PLCG2: variants seen among roughly 807,000 people sequenced by gnomAD.
PLCG2 encodes 1-phosphatidylinositol 4,5-bisphosphate phosphodiesterase gamma-2.
Under a neutral mutation model 175.6 loss-of-function variants are expected in PLCG2, and 69 were observed. The ratio of observed to expected loss-of-function variants is 0.39; its 90% CI spans 0.32 to 0.48. The LOEUF (loss-of-function observed/expected upper bound fraction) is 0.48. Among genes scored for constraint, PLCG2 ranks in the 20% least tolerant of loss-of-function variants. The pLI, the probability that PLCG2 is intolerant of heterozygous loss-of-function variation, is 0.91. For synonymous variants in PLCG2, 827 were observed against 624.0 expected (o/e 1.33, Z -4.85); for missense variants, 1,798 against 1,650.9 (o/e 1.09, Z -1.54).
intron 2 of PLCG2, among the ~76,000 whole-genome samples, chr16:81,798,224 A>C (rs966840264): frequency 1.9e-4 from 29 of 152,222 alleles, no homozygotes; most frequent in African/African-American, 7.0e-4. Context: ...GATTGTCACA[A>C]GTCCAGTATG....
upstream of PLCG2, among the ~76,000 whole-genome samples, chr16:81,774,489 C>G (rs1910354419): frequency 6.6e-6 from 1 of 152,212 alleles, no homozygotes; most frequent in Admixed American, 6.5e-5. Flanking sequence ...TACTTCCTCT[C>G]ACAGAGGCCT....
intron 1 of PLCG2, among the ~76,000 whole-genome samples, chr16:81,753,293 G>C (rs1909849732): frequency 6.7e-6 from 1 of 149,380 alleles, no homozygotes; most frequent in African/African-American, 2.5e-5. Context: ...ATCCACATTG[G>C]TCATTGGTGG....
At chr16:81,858,474 C>A in intron 4 of PLCG2, 118 bp downstream of exon 4, 1 of 746,298 alleles carries the variant, frequency 1.3e-6, no homozygotes, top group Non-Finnish European at 2.4e-6. Flanking sequence ...TTTTGAGGCT[C>A]GTTGAGTGTC....
At chr16:81,893,859 C>G (rs1302628022) in intron 12 of PLCG2, 65 bp downstream of exon 12, 3 of 1,004,598 alleles carry the variant, frequency 3.0e-6, no homozygotes, top group East Asian at 4.8e-5. Context: ...TGTGGTTGCT[C>G]CATGTTTTCT....
intron 4 of PLCG2, 46 bp downstream of exon 4, chr16:81,858,402 A>G (rs779818390): frequency 7.5e-7 from 1 of 1,324,632 alleles, no homozygotes; most frequent in Non-Finnish European, 1.1e-6. Flanking sequence ...TGATTCCTTT[A>G]TTCTGCTGCC....
chr16:81,833,775 T>C (rs938900886), intron 2 of PLCG2, among the ~76,000 whole-genome samples: 3 of 152,076 alleles, frequency 2.0e-5, no homozygotes, highest in African/African-American at 7.2e-5. Flanking sequence ...TCGGAATTCC[T>C]GGGCTCGAGC....
intron 7 of PLCG2, among the ~76,000 whole-genome samples, chr16:81,878,815 A>T (rs1233568565): frequency 6.6e-6 from 1 of 151,806 alleles, no homozygotes; most frequent in Non-Finnish European, 1.5e-5. Flanking sequence ...CTTGCCTCTC[A>T]CTGTTGGTTC....
At chr16:81,902,731 T>G (rs113312393) in intron 14 of PLCG2, among the ~76,000 whole-genome samples, 6,475 of 152,156 alleles carry the variant, frequency 0.043, 449 homozygotes, top group African/African-American at 0.15. Context: ...CTCACACTGC[T>G]CATAAAGACA....
intron 22 of PLCG2, among the ~76,000 whole-genome samples, chr16:81,925,559 C>A (rs1405221927): frequency 6.6e-6 from 1 of 152,150 alleles, no homozygotes; most frequent in Non-Finnish European, 1.5e-5. Context: ...TTGTTAAGTT[C>A]TTCCCACCAC....
chr16:81,830,018 G>C (rs188163931), intron 2 of PLCG2, among the ~76,000 whole-genome samples: 1 of 152,214 alleles, frequency 6.6e-6, no homozygotes, highest in African/African-American at 2.4e-5. Context: ...AAGGAGTGGA[G>C]AGATTAAATA....
At chr16:81,802,829 C>A (rs981265672) in intron 2 of PLCG2, among the ~76,000 whole-genome samples, 1 of 152,124 alleles carries the variant, frequency 6.6e-6, no homozygotes, top group Non-Finnish European at 1.5e-5. Context: ...CCTCAGCCTC[C>A]CAAAGTGCAA....
chr16:81,835,305 A>C (rs527246560), intron 2 of PLCG2, among the ~76,000 whole-genome samples: 1 of 152,294 alleles, frequency 6.6e-6, no homozygotes, highest in South Asian at 2.1e-4. Context: ...TTATAATAAT[A>C]ATGAAGATGG....
intron 2 of PLCG2, among the ~76,000 whole-genome samples, chr16:81,793,733 A>G (rs1911341856): frequency 6.6e-6 from 1 of 152,148 alleles, no homozygotes; most frequent in South Asian, 2.1e-4. Context: ...ACTGTGTCCT[A>G]GTCTCTGTGA....
At chr16:81,870,562 T>C (rs1323806698) in intron 6 of PLCG2, among the ~76,000 whole-genome samples, 4 of 152,244 alleles carry the variant, frequency 2.6e-5, no homozygotes, top group Admixed American at 6.5e-5. Flanking sequence ...TTGGTAGGTG[T>C]CTCTGTGAGT....
chr16:81,936,694 C>T (rs191847325), intron 27 of PLCG2, among the ~76,000 whole-genome samples: 206 of 152,298 alleles, frequency 1.4e-3, no homozygotes, highest in African/African-American at 4.6e-3. Flanking sequence ...CTTCTCCAGG[C>T]CTGTTGCTGT....
Position 81,936,388 on chromosome 16 carries a change from G to C in PLCG2, c.3052+10G>C. 1 of 1,611,076 alleles carries C rather than the reference G, an allele frequency of 6.2e-7. No individual in the cohort carries two copies. ...AATTTCCAGACGGCAGGTAAAGGCC[G>C]ACTGAAGGTAGTCCCGTCCCTGCAA... On this transcript the variant is annotated intron_variant, in intron 27 of 32. Coordinates refer to ENST00000564138, the MANE Select transcript of PLCG2 (RefSeq NM_002661.5).
rs75478380 is a variant in PLCG2, at chr16:81,931,287, C to T, written c.2582-210C>T. ...GTACTGGTGACCTGACACATCTTTTCGGAGGACCCTACTGAATCTACTGCA... is the reference window on the plus strand; with the variant it reads ...GTACTGGTGACCTGACACATCTTTTTGGAGGACCCTACTGAATCTACTGCA... On this transcript the variant is annotated intron_variant, in intron 24 of 32. Coordinates refer to ENST00000564138, the MANE Select transcript of PLCG2 (RefSeq NM_002661.5). 3.2e-3 allele frequency: 1,363 copies of T among 426,164 alleles called. 19 individuals are homozygous for T. Among genetic ancestry groups the T allele is most frequent in the African/African-American group, 0.024 (1,191 of 50,562 alleles). 26.4% of individuals were successfully genotyped at this position (426,164 alleles called of 1,614,324 possible).
At chr16:81,751,421 C>A (rs996030232) in intron 1 of PLCG2, among the ~76,000 whole-genome samples, 1 of 152,174 alleles carries the variant, frequency 6.6e-6, no homozygotes, top group African/African-American at 2.4e-5. Flanking sequence ...GAATCTAAAA[C>A]AGTCAAACTC....
At chr16:81,856,008 C>G (rs1367751969) in intron 3 of PLCG2, among the ~76,000 whole-genome samples, 4 of 152,102 alleles carry the variant, frequency 2.6e-5, no homozygotes, top group South Asian at 2.1e-4. Context: ...GGTAAGGAGA[C>G]CAGAAGAACC....
Sources: gnomAD v4.1 joint callset for allele counts (sites outside exome capture counted in the v4.1 genomes callset) on GRCh38, gnomAD v4.1.1 for gene constraint, MANE v1.5 for transcripts, NCBI Gene and HGNC (gene_info 2026-07-23, HGNC 2026-07-21) for gene names.